PTGER3: variants seen among roughly 807,000 people sequenced by gnomAD.
PTGER3 encodes the protein prostaglandin E receptor 3.
PTGER3 carries 22 observed loss-of-function variants against 34.7 expected under a neutral mutation model. The observed-to-expected ratio is 0.63, with a 90% CI of 0.45 to 0.91. PTGER3 has a LOEUF of 0.91. PTGER3 is among the 40% of genes least tolerant of loss of function. The probability of loss-of-function intolerance (pLI) is 0.00; values close to 1 mark genes in which losing one functional copy is unlikely to be tolerated. For synonymous variants in PTGER3, 241 were observed against 230.1 expected (o/e 1.05, Z -0.43); for missense variants, 468 against 519.4 (o/e 0.90, Z 0.96).
rs186734467 is a variant in PTGER3, at chr1:70,925,121, C to T, written c.*23+28642G>A. On this transcript the variant is annotated intron_variant, in intron 4 of 4. Transcript: ENST00000370931. Reference sequence around the variant, plus strand: ...TTAGATTCAAGCGATTCTCCTTCCTCAGCCTCCCGAGTAACTGGGATTACA... The same window carrying T: ...TTAGATTCAAGCGATTCTCCTTCCTTAGCCTCCCGAGTAACTGGGATTACA... 1.1e-4 allele frequency among the ~76,000 whole-genome samples: 17 copies of T among 152,324 alleles called. No homozygotes were observed. In the East Asian group the frequency reaches 2.7e-3, roughly 24 times the overall value.
At chr1:70,949,511 G>A (rs1455801415), downstream of PTGER3, among the ~76,000 whole-genome samples, 2 of 152,306 alleles carry the variant, frequency 1.3e-5, no homozygotes, top group Non-Finnish European at 2.9e-5. Context: ...TCAAGGGAAA[G>A]AGAAATAATG....
rs150999521 is a variant in PTGER3 at position 70,863,912 on chromosome 1, A to C, written c.*24-11053T>G. ...CATATTATATTGGGACATGAAAAAC[A>C]ACTCAGGAATTAGCATGTCATTCAG... On this transcript the variant is annotated intron_variant, in intron 4 of 4. Coordinates refer to the PTGER3 transcript ENST00000370931. Among the ~76,000 whole-genome samples, 98 of 152,282 alleles carry C rather than the reference A, an allele frequency of 6.4e-4. 1 individual carries two copies. The highest frequency in any genetic ancestry group is 2.2e-3 in the African/African-American group (92 of 41,568).
chr1:70,908,132 T>G (rs1046661120), intron 4 of PTGER3, among the ~76,000 whole-genome samples: 1 of 152,126 alleles, frequency 6.6e-6, no homozygotes, highest in African/African-American at 2.4e-5. Flanking sequence ...CCGAAAGTGT[T>G]GGAAATGAGT....
intron 4 of PTGER3, among the ~76,000 whole-genome samples, chr1:70,875,405 A>T (rs1378577120): frequency 6.6e-6 from 1 of 152,246 alleles, no homozygotes; most frequent in Non-Finnish European, 1.5e-5. Context: ...TGGCATGGAC[A>T]GACTGTAAAA....
At chr1:71,023,161 C>G (rs1195020551) in intron 1 of PTGER3, among the ~76,000 whole-genome samples, 2 of 151,974 alleles carry the variant, frequency 1.3e-5, no homozygotes, top group East Asian at 3.9e-4. Flanking sequence ...GCAGCCTGAC[C>G]TCTGTGTTCA....
chr1:70,865,595 G>C (rs1646023841), intron 4 of PTGER3: 1 of 1,255,940 alleles, frequency 8.0e-7, no homozygotes, highest in Non-Finnish European at 1.1e-6. Context: ...AGAGATGAAA[G>C]ATGGTAAGTT....
At chr1:70,940,299 C>A (rs1649634052) in intron 4 of PTGER3, among the ~76,000 whole-genome samples, 1 of 152,320 alleles carries the variant, frequency 6.6e-6, no homozygotes, top group Non-Finnish European at 1.5e-5. Flanking sequence ...AGCCATCCAA[C>A]AAGTCTCTAG....
intron 1 of PTGER3, among the ~76,000 whole-genome samples, chr1:71,046,305 AAC>A (rs1660805724): frequency 6.7e-6 from 1 of 148,994 alleles, no homozygotes; most frequent in African/African-American, 2.4e-5. Flanking sequence ...AAAAAAAAAA[AAC>A]CCCACAATAT....
chr1:70,920,258 T>C (rs1035103476), intron 4 of PTGER3, among the ~76,000 whole-genome samples: 1 of 152,206 alleles, frequency 6.6e-6, no homozygotes, highest in East Asian at 1.9e-4. Context: ...ATTCATTCTC[T>C]ACTCCAGACT....
At chr1:70,897,743 T>G (rs1646751365) in intron 4 of PTGER3, among the ~76,000 whole-genome samples, 1 of 152,232 alleles carries the variant, frequency 6.6e-6, no homozygotes, top group Non-Finnish European at 1.5e-5. Flanking sequence ...CCACCTTTAC[T>G]CAGTCAACCC....
chr1:71,022,299 G>A (rs941376380), intron 1 of PTGER3, among the ~76,000 whole-genome samples: 3 of 146,084 alleles, frequency 2.1e-5, no homozygotes, highest in African/African-American at 7.5e-5. Context: ...AATTTAACAA[G>A]AGGTAAGCAG....
chr1:70,927,879 C>A (rs1452734358), intron 4 of PTGER3, among the ~76,000 whole-genome samples: 1 of 151,986 alleles, frequency 6.6e-6, no homozygotes, highest in Non-Finnish European at 1.5e-5. Flanking sequence ...AAACCCAAAC[C>A]TCTAAACCAA....
chr1:71,016,101 A>T (rs1044640396), intron 1 of PTGER3, among the ~76,000 whole-genome samples: 9 of 152,060 alleles, frequency 5.9e-5, no homozygotes, highest in African/African-American at 2.2e-4. Context: ...CTCAATTAAT[A>T]TTTTTATTTT....
rs571450462 is a variant in PTGER3 at position 70,935,973 on chromosome 1, C to G, written c.*23+17790G>C. Among the ~76,000 whole-genome samples, 21 of 152,192 alleles carry G rather than the reference C, an allele frequency of 1.4e-4. No homozygotes were observed. The South Asian group carries it at 4.1e-3, about 30-fold the overall frequency. Reference sequence around the variant, plus strand: ...GTTAAAAAGTTCAGCATGGTTAGGACTAACGCTGTGAGAGCACCAAGTTTT... The same window carrying G: ...GTTAAAAAGTTCAGCATGGTTAGGAGTAACGCTGTGAGAGCACCAAGTTTT... On this transcript the variant is annotated intron_variant, in intron 4 of 4. Coordinates refer to the PTGER3 transcript ENST00000370931.
At chr1:70,925,540 G>C (rs1647985068) in intron 4 of PTGER3, among the ~76,000 whole-genome samples, 1 of 152,052 alleles carries the variant, frequency 6.6e-6, no homozygotes, top group Non-Finnish European at 1.5e-5. Context: ...AAAGAGAGTA[G>C]ACAAATCATT....
chr1:70,936,077 C>A, intron 4 of PTGER3, among the ~76,000 whole-genome samples: 1 of 152,156 alleles, frequency 6.6e-6, no homozygotes, highest in East Asian at 1.9e-4. Context: ...CACAAAAATT[C>A]ATGTGAAATA....
At chr1:70,852,895 A>G (rs766211982) in intron 4 of PTGER3, 1 of 1,600,516 alleles carries the variant, frequency 6.2e-7, no homozygotes. Context: ...ATAGCCAATA[A>G]TAAATGCACT....
intron 2 of PTGER3, chr1:70,997,038 G>A (rs568826714): frequency 1.3e-5 from 2 of 150,730 alleles, no homozygotes; most frequent in African/African-American, 4.8e-5. Flanking sequence ...TTGGGAAGCC[G>A]AGGAGGACAG....
chr1:70,955,044 T>C (rs1651180111), intron 2 of PTGER3, among the ~76,000 whole-genome samples: 1 of 152,162 alleles, frequency 6.6e-6, no homozygotes, highest in Non-Finnish European at 1.5e-5. Context: ...ATTATTTTCT[T>C]ATGGCTAACA....
Sources: gnomAD v4.1 joint callset for allele counts (sites outside exome capture counted in the v4.1 genomes callset) on GRCh38, gnomAD v4.1.1 for gene constraint, MANE v1.5 for transcripts, NCBI Gene and HGNC (gene_info 2026-07-23, HGNC 2026-07-21) for gene names.